The following GALNTL6 variants were observed in gnomAD, a reference collection of about 807,000 sequenced individuals.
GALNTL6 encodes the protein polypeptide N-acetylgalactosaminyltransferase like 6.
A neutral mutation model predicts 73.7 loss-of-function variants in GALNTL6; 46 were observed. The ratio of observed to expected loss-of-function variants is 0.62; its 90% CI spans 0.49 to 0.80. The LOEUF is 0.80. Ranked by LOEUF, GALNTL6 falls within the 30% of genes least tolerant of loss-of-function variation. The pLI, the probability that GALNTL6 is intolerant of heterozygous loss-of-function variation, is 0.00. For synonymous variants in GALNTL6, 259 were observed against 263.7 expected (o/e 0.98, Z 0.17); for missense variants, 604 against 755.0 (o/e 0.80, Z 2.34).
At chr4:172,683,551 CA>C (rs1247257534) in intron 5 of GALNTL6, among the ~76,000 whole-genome samples, 4 of 152,088 alleles carry the variant, frequency 2.6e-5, no homozygotes, top group Non-Finnish European at 5.9e-5. Flanking sequence ...GCCAGAAATC[CA>C]TGAAAAAGTA....
At chr4:172,556,415 C>A (rs1486501447) in intron 5 of GALNTL6, among the ~76,000 whole-genome samples, 4 of 151,848 alleles carry the variant, frequency 2.6e-5, no homozygotes, top group Non-Finnish European at 4.4e-5. Context: ...CACTTTAGCC[C>A]CCTAACTAGG....
chr4:172,801,512 G>T (rs965239707), intron 5 of GALNTL6, among the ~76,000 whole-genome samples: 24 of 151,762 alleles, frequency 1.6e-4, no homozygotes, highest in African/African-American at 5.8e-4. Context: ...ATAAGGTATT[G>T]CCCACATAAC....
At chr4:172,823,868 A>G (rs918414219) in intron 7 of GALNTL6, among the ~76,000 whole-genome samples, 1 of 152,232 alleles carries the variant, frequency 6.6e-6, no homozygotes, top group Non-Finnish European at 1.5e-5. Context: ...CAAGGGGGCC[A>G]GGAGATGATA....
At chr4:172,842,703 A>G (rs12642595) in intron 7 of GALNTL6, among the ~76,000 whole-genome samples, 22,146 of 151,320 alleles carry the variant, frequency 0.15, 1,849 homozygotes, top group East Asian at 0.27. Context: ...AACATAATGG[A>G]CTGGGGAGTT....
intron 2 of GALNTL6, among the ~76,000 whole-genome samples, chr4:171,906,363 C>T (rs1172553236): frequency 6.6e-6 from 1 of 151,708 alleles, no homozygotes; most frequent in Non-Finnish European, 1.5e-5. Flanking sequence ...ATACTACAAA[C>T]ACCTCTACGC....
chr4:171,849,733 C>T (rs1044972897), intron 2 of GALNTL6, among the ~76,000 whole-genome samples: 3 of 151,812 alleles, frequency 2.0e-5, no homozygotes, highest in Admixed American at 6.6e-5. Flanking sequence ...TATTTTTTCT[C>T]GTAAAGGAAG....
chr4:171,907,076 A>T (rs576285317), intron 2 of GALNTL6, among the ~76,000 whole-genome samples: 81 of 152,240 alleles, frequency 5.3e-4, no homozygotes, highest in African/African-American at 1.9e-3. Flanking sequence ...TCCTTTTGAA[A>T]ACTGGCACAA....
chr4:172,178,531 G>A (rs113799235), intron 2 of GALNTL6, among the ~76,000 whole-genome samples: 182 of 151,990 alleles, frequency 1.2e-3, no homozygotes, highest in African/African-American at 4.2e-3. Flanking sequence ...TTGGTTTTCT[G>A]TTCCTGTGTT....
chr4:172,521,100 A>G (rs1397662215), intron 5 of GALNTL6, among the ~76,000 whole-genome samples: 1 of 152,116 alleles, frequency 6.6e-6, no homozygotes, highest in Non-Finnish European at 1.5e-5. Flanking sequence ...AGATATTGCT[A>G]AAAATAAATA....
At chr4:172,213,889 C>T (rs961138482) in intron 2 of GALNTL6, among the ~76,000 whole-genome samples, 3 of 152,020 alleles carry the variant, frequency 2.0e-5, no homozygotes, top group Admixed American at 1.3e-4. Flanking sequence ...TAGATAGTAC[C>T]CTAAGATTTC....
intron 10 of GALNTL6, among the ~76,000 whole-genome samples, chr4:173,002,713 T>G (rs546578497): frequency 6.7e-6 from 1 of 149,946 alleles, no homozygotes; most frequent in Non-Finnish European, 1.5e-5. Flanking sequence ...GAGAATCACT[T>G]GAACCCAGGA....
In GALNTL6 at chr4:173,021,601, G is replaced by T. The variant is rs773804912; in HGVS notation, c.1614G>T (p.Gly538=). The T allele has an allele frequency of 6.2e-7, 1 of 1,614,128 alleles. No individual in the cohort carries two copies. Among genetic ancestry groups the T allele is most frequent in the East Asian group, 2.2e-5 (1 of 44,884 alleles). Residue 538 remains glycine (G), a synonymous_variant, in exon 12 of 13, where the codon GGG becomes GGT. Transcript: ENST00000506823. ...VTLYDCHGMK[G]NQLWGYRKDR... is the part of the protein sequence containing the mutation. ...TCTATGACTGTCATGGCATGAAGGGGAACCAGCTCTGGGGATACCGGAAGG... is the reference window on the plus strand; with the variant it reads ...TCTATGACTGTCATGGCATGAAGGGTAACCAGCTCTGGGGATACCGGAAGG...
intron 3 of GALNTL6, among the ~76,000 whole-genome samples, chr4:172,288,993 G>T (rs1739366675): frequency 6.6e-6 from 1 of 151,846 alleles, no homozygotes; most frequent in Admixed American, 6.6e-5. Context: ...AAAAATATAG[G>T]ATAGCAGTGG....
intron 2 of GALNTL6, among the ~76,000 whole-genome samples, chr4:172,119,433 T>C (rs904485969): frequency 3.3e-5 from 5 of 152,306 alleles, no homozygotes; most frequent in South Asian, 4.1e-4. Context: ...TGCACTCTAG[T>C]ACATTCAGAA....
At chr4:172,977,988 C>T (rs1447913518) in intron 10 of GALNTL6, among the ~76,000 whole-genome samples, 4 of 151,976 alleles carry the variant, frequency 2.6e-5, no homozygotes, top group South Asian at 2.1e-4. Flanking sequence ...TACAGGCACC[C>T]GCCACCACAC....
chr4:172,225,042 A>G (rs1736805535), intron 2 of GALNTL6, among the ~76,000 whole-genome samples: 1 of 152,138 alleles, frequency 6.6e-6, no homozygotes, highest in Admixed American at 6.5e-5. Flanking sequence ...AGTGCTTACA[A>G]GTAAATGGCC....
At chr4:172,470,770 T>C (rs1368686416) in intron 5 of GALNTL6, among the ~76,000 whole-genome samples, 1 of 152,208 alleles carries the variant, frequency 6.6e-6, no homozygotes, top group East Asian at 1.9e-4. Context: ...CCACAATTCA[T>C]GCAATCTAAA....
Position 171,913,057 on chromosome 4 carries a change from A to T in GALNTL6, c.138+98339A>T, listed in dbSNP as rs567109696. On this transcript the variant is annotated intron_variant, in intron 2 of 12. Coordinates refer to ENST00000506823, the MANE Select transcript of GALNTL6 (RefSeq NM_001034845.3). ...CTGATTTCCTTTCTTTTGGGTAAAT[A>T]CTCAGCAGAGGGATTGCTGGATCAT... Among the ~76,000 whole-genome samples, 6 of 152,226 alleles carry T rather than the reference A, an allele frequency of 3.9e-5. No individual in the cohort carries two copies. The East Asian group carries it at 1.2e-3, about 29-fold the overall frequency.
chr4:172,197,039 C>T (rs1244957229), intron 2 of GALNTL6, among the ~76,000 whole-genome samples: 2 of 152,076 alleles, frequency 1.3e-5, no homozygotes, highest in East Asian at 1.9e-4. Flanking sequence ...TCTAGAAAAT[C>T]CCATCATCTC....
Sources: allele counts gnomAD v4.1 joint callset (sites outside exome capture counted in the v4.1 genomes callset), GRCh38; gene constraint gnomAD v4.1.1; transcripts MANE v1.5; gene names NCBI Gene and HGNC (gene_info 2026-07-23, HGNC 2026-07-21).